ROR2: variants seen among roughly 807,000 people sequenced by gnomAD.
The protein encoded by ROR2 is ROR family WNT receptor 2.
ROR2 carries 33 observed loss-of-function variants against 74.9 expected under a neutral mutation model. That is an observed-to-expected ratio of 0.44 (90% CI 0.33 to 0.59). The LOEUF (loss-of-function observed/expected upper bound fraction) is 0.59, where lower values mean the gene tolerates loss of function less well. ROR2 is among the 20% of genes least tolerant of loss of function. ROR2 has a pLI of 0.02. For missense variants in ROR2, 1,216 were observed against 1,313.8 expected (o/e 0.93, Z 1.15); for synonymous variants, 586 against 558.7 (o/e 1.05, Z -0.69).
At chr9:91,892,956 G>A (rs141007046) in intron 1 of ROR2, among the ~76,000 whole-genome samples, 27 of 152,238 alleles carry the variant, frequency 1.8e-4, no homozygotes, top group Non-Finnish European at 3.2e-4. Context: ...GTACATTGAT[G>A]AATTTACAAT....
intron 1 of ROR2, among the ~76,000 whole-genome samples, chr9:91,823,267 T>C (rs1563983225): frequency 6.6e-6 from 1 of 152,114 alleles, no homozygotes; most frequent in Non-Finnish European, 1.5e-5. Context: ...TTAGAGGAGA[T>C]GGATGCTCAC....
chr9:91,927,483 C>G (rs1831435910), intron 1 of ROR2, among the ~76,000 whole-genome samples: 1 of 152,138 alleles, frequency 6.6e-6, no homozygotes, highest in African/African-American at 2.4e-5. Context: ...CCATGCCCCA[C>G]CTCCATTCAC....
chr9:91,893,061 G>A (rs2119403297), intron 1 of ROR2, among the ~76,000 whole-genome samples: 1 of 152,304 alleles, frequency 6.6e-6, no homozygotes, highest in Middle Eastern at 3.4e-3. Context: ...ACCTCTCACT[G>A]CAAGGGGACA....
At chr9:91,770,743 AT>A (rs1230781407) in intron 2 of ROR2, among the ~76,000 whole-genome samples, 47 of 152,206 alleles carry the variant, frequency 3.1e-4, no homozygotes, top group Non-Finnish European at 8.8e-5. Context: ...GACAGACTTT[AT>A]GCTGACTATG....
At chr9:91,897,617 G>A (rs1319153919) in intron 1 of ROR2, among the ~76,000 whole-genome samples, 1 of 152,124 alleles carries the variant, frequency 6.6e-6, no homozygotes, top group African/African-American at 2.4e-5. Context: ...GTGTGAAGGC[G>A]AGCCTAAGAT....
intron 1 of ROR2, among the ~76,000 whole-genome samples, chr9:91,841,034 G>A (rs1828767881): frequency 6.6e-6 from 1 of 152,220 alleles, no homozygotes; most frequent in Non-Finnish European, 1.5e-5. Context: ...CAGAGCTTGT[G>A]CACCCACAGC....
In ROR2 at chr9:91,733,157, A is replaced by G; in HGVS notation, c.902T>C (p.Met301Thr). 1.9e-6 allele frequency: 3 copies of G among 1,604,558 alleles called. No individual in the cohort carries two copies. Among genetic ancestry groups the G allele is most frequent in the Non-Finnish European group, 8.5e-7 (1 of 1,177,112 alleles). The stretch of plus-strand genomic sequence containing the variant: ...CCTCTCGGCTGGGATGCCAATGCGC[A>G]TGCAGTTGGCAGCGTCGGGGCTCTC... Reference protein sequence around the residue: ...MPESPDAANCMRIGIPAERLG... With the variant: ...MPESPDAANCTRIGIPAERLG... Residue 301 changes from methionine (M) to threonine (T), a missense_variant, in exon 6 of 9, where the codon ATG (methionine) becomes ACG (threonine). Physicochemically the swap from Met to Thr is moderately conservative, Grantham distance 81. Transcript: ENST00000375708. The surrounding 1 kb of genome is among the most constrained non-coding windows in gnomAD (Gnocchi z 5.7).
chr9:91,861,650 G>A (rs1829471111), intron 1 of ROR2, among the ~76,000 whole-genome samples: 1 of 152,136 alleles, frequency 6.6e-6, no homozygotes, highest in African/African-American at 2.4e-5. Flanking sequence ...CTATAAAACT[G>A]TTAAAAGAAT....
chr9:91,916,046 T>C (rs887830044), intron 1 of ROR2, among the ~76,000 whole-genome samples: 1 of 152,190 alleles, frequency 6.6e-6, no homozygotes, highest in South Asian at 2.1e-4. Flanking sequence ...AATTGTGTTA[T>C]AGCATCTGTC....
chr9:91,944,584 A>C (rs1831963510), intron 1 of ROR2, among the ~76,000 whole-genome samples: 1 of 152,246 alleles, frequency 6.6e-6, no homozygotes, highest in Non-Finnish European at 1.5e-5. Flanking sequence ...CAATGTGAAA[A>C]GGAAATTTAA....
intron 1 of ROR2, among the ~76,000 whole-genome samples, chr9:91,920,398 C>T (rs1281399339): frequency 2.6e-5 from 4 of 152,124 alleles, no homozygotes; most frequent in Non-Finnish European, 4.4e-5. Flanking sequence ...CTCAGCTACT[C>T]GGGAGGCTGA....
chr9:91,941,751 A>C (rs10116249), intron 1 of ROR2, among the ~76,000 whole-genome samples: 186 of 141,094 alleles, frequency 1.3e-3, no homozygotes, highest in South Asian at 3.1e-3. Flanking sequence ...CTGTCTCCCC[A>C]CCCCGCCCAG....
intron 1 of ROR2, among the ~76,000 whole-genome samples, chr9:91,911,811 C>G (rs190191230): frequency 1.6e-3 from 246 of 151,596 alleles, no homozygotes; most frequent in Non-Finnish European, 1.6e-3. Context: ...CAGATAGCTC[C>G]TTAACCCAGT....
rs547561460 is a variant in ROR2, at chr9:91,848,780, A to C, written c.98-72962T>G. On this transcript the variant is annotated intron_variant, in intron 1 of 8. Coordinates refer to ENST00000375708, the MANE Select transcript of ROR2 (RefSeq NM_004560.4). ...AGGGGGGAAGAAAAAAAAAAAAAAA[A>C]AAAAAACAGTTGGACCTAAGGCTGT... 5.3e-5 allele frequency among the ~76,000 whole-genome samples: 8 copies of C among 151,486 alleles called. No individual in the cohort carries two copies. In the East Asian group the frequency reaches 9.7e-4, roughly 18 times the overall value.
At chr9:91,886,460 A>G (rs1830275096) in intron 1 of ROR2, among the ~76,000 whole-genome samples, 1 of 151,980 alleles carries the variant, frequency 6.6e-6, no homozygotes. Flanking sequence ...CGATCTGTCT[A>G]CACCAGGGTC....
At chr9:91,901,561 A>T (rs1239810026) in intron 1 of ROR2, among the ~76,000 whole-genome samples, 1 of 152,132 alleles carries the variant, frequency 6.6e-6, no homozygotes, top group African/African-American at 2.4e-5. Flanking sequence ...CATACCTGTA[A>T]TCCCAGCACT....
chr9:91,815,928 C>T (rs12337520), intron 1 of ROR2, among the ~76,000 whole-genome samples: 12,887 of 152,160 alleles, frequency 0.085, 1,402 homozygotes, highest in African/African-American at 0.24. Flanking sequence ...TCGGCCTGCC[C>T]CATGGGACCC....
intron 1 of ROR2, among the ~76,000 whole-genome samples, chr9:91,881,948 G>A (rs1490434209): frequency 1.3e-5 from 2 of 152,218 alleles, no homozygotes; most frequent in African/African-American, 4.8e-5. Context: ...GCAGCAGTAT[G>A]TGTCGGGCAT....
At chr9:91,839,277 T>TGTGTAAGTACAGGC (rs1828711713) in intron 1 of ROR2, among the ~76,000 whole-genome samples, 2 of 145,246 alleles carry the variant, frequency 1.4e-5, no homozygotes, top group African/African-American at 5.5e-5. Flanking sequence ...TGTGTGTGTG[T>TGTGTAAGTACAGGC]GTGTGTGTGT....
Sources: allele counts gnomAD v4.1 joint callset (sites outside exome capture counted in the v4.1 genomes callset), GRCh38; gene constraint gnomAD v4.1.1; non-coding constraint Gnocchi (gnomAD v3.1); transcripts MANE v1.5; gene names NCBI Gene and HGNC (gene_info 2026-07-23, HGNC 2026-07-21).